Variants in KAT6B observed in about 807,000 individuals in gnomAD.
KAT6B encodes histone acetyltransferase KAT6B.
KAT6B carries 10 observed loss-of-function variants against 187.5 expected under a neutral mutation model. That is an observed-to-expected ratio of 0.05 (90% CI 0.03 to 0.09). The LOEUF (loss-of-function observed/expected upper bound fraction) is 0.09. KAT6B is among the 10% of genes least tolerant of loss of function. The pLI is 1.00. For synonymous variants in KAT6B, 861 were observed against 926.8 expected, an observed-to-expected ratio of 0.93 and a Z score of 1.29; for missense variants, 1,952 against 2,558.9, an observed-to-expected ratio of 0.76 and a Z score of 5.12.
chr10:74,903,833 T>C (rs1183030833), intron 3 of KAT6B, among the ~76,000 whole-genome samples: 1 of 152,202 alleles, frequency 6.6e-6, no homozygotes, highest in African/African-American at 2.4e-5. Context: ...TTTCTGTGGA[T>C]ATCAAGGGTG....
At chr10:74,833,184 A>G (rs1369660632) in intron 1 of KAT6B, among the ~76,000 whole-genome samples, 2 of 151,148 alleles carry the variant, frequency 1.3e-5, no homozygotes, top group Non-Finnish European at 2.9e-5. Flanking sequence ...TTAATACATT[A>G]TTCTCGGTCT....
intron 3 of KAT6B, among the ~76,000 whole-genome samples, chr10:74,937,471 T>C (rs2133243302): frequency 6.6e-6 from 1 of 152,326 alleles, no homozygotes; most frequent in African/African-American, 2.4e-5. Flanking sequence ...AACTGATAAG[T>C]TATAATGATC....
At chr10:74,920,928 A>G (rs1402712721) in intron 3 of KAT6B, among the ~76,000 whole-genome samples, 1 of 152,076 alleles carries the variant, frequency 6.6e-6, no homozygotes, top group Non-Finnish European at 1.5e-5. Context: ...GCTTTTCTTC[A>G]TATTAATTTG....
At chr10:74,920,708 C>T (rs1848044981) in intron 3 of KAT6B, among the ~76,000 whole-genome samples, 5 of 152,104 alleles carry the variant, frequency 3.3e-5, no homozygotes, top group Admixed American at 3.3e-4. Context: ...TTCTCTTGGC[C>T]AGTTGACTGA....
At chr10:74,938,847 G>A (rs138398031) in intron 3 of KAT6B, among the ~76,000 whole-genome samples, 1,619 of 151,752 alleles carry the variant, frequency 0.011, 17 homozygotes, top group African/African-American at 0.019. Flanking sequence ...AGCAATTCTC[G>A]TGCCTCAGCC....
At chr10:74,913,828 G>A (rs1363661986) in intron 3 of KAT6B, among the ~76,000 whole-genome samples, 1 of 152,196 alleles carries the variant, frequency 6.6e-6, no homozygotes, top group Non-Finnish European at 1.5e-5. Context: ...CAGTGCCGGG[G>A]TCTCATGCTT....
At chr10:74,912,374 T>TA (rs56029061) in intron 3 of KAT6B, among the ~76,000 whole-genome samples, 7,909 of 137,088 alleles carry the variant, frequency 0.058, 268 homozygotes, top group South Asian at 0.16. Flanking sequence ...AATGGATGGA[T>TA]GGATAGATAG....
intron 3 of KAT6B, among the ~76,000 whole-genome samples, chr10:74,885,374 C>A (rs571228154): frequency 6.6e-6 from 1 of 152,146 alleles, no homozygotes; most frequent in South Asian, 2.1e-4. Context: ...TTGGACAGCA[C>A]AGATTTAGAA....
Position 75,024,938 on chromosome 10 carries a change from A to G in KAT6B, c.3373-20A>G, listed in dbSNP as rs1589831231. ...AATTTCTCATGAGCTCTTATGTGTTATGTTTGGAATTAATTTCAGAGGCCT... is the reference window on the plus strand; with the variant it reads ...AATTTCTCATGAGCTCTTATGTGTTGTGTTTGGAATTAATTTCAGAGGCCT... On this transcript the variant is annotated intron_variant, in intron 16 of 17. Coordinates refer to ENST00000287239, the MANE Select transcript of KAT6B (RefSeq NM_012330.4). 6.2e-7 allele frequency: 1 copy of G among 1,611,880 alleles called. No individual in the cohort carries two copies. Among genetic ancestry groups the G allele is most frequent in the Non-Finnish European group, 8.5e-7 (1 of 1,178,106 alleles).
intron 13 of KAT6B, among the ~76,000 whole-genome samples, chr10:75,000,468 C>T (rs1843748619): frequency 6.6e-6 from 1 of 152,114 alleles, no homozygotes; most frequent in Non-Finnish European, 1.5e-5. Flanking sequence ...TATAAGGGTT[C>T]TAAATCTCAG....
At chr10:74,828,788 C>G (rs890633159) in intron 1 of KAT6B, among the ~76,000 whole-genome samples, 4 of 151,674 alleles carry the variant, frequency 2.6e-5, no homozygotes, top group Admixed American at 1.3e-4. Flanking sequence ...AGGATGGTCT[C>G]GAACTCTTGA....
At chr10:74,914,384 C>A (rs772444271) in intron 3 of KAT6B, among the ~76,000 whole-genome samples, 2 of 151,958 alleles carry the variant, frequency 1.3e-5, no homozygotes, top group Non-Finnish European at 2.9e-5. Flanking sequence ...TAAATTAATT[C>A]TTTTTTAACT....
At chr10:74,903,645 C>T (rs144306842) in intron 3 of KAT6B, among the ~76,000 whole-genome samples, 5 of 152,252 alleles carry the variant, frequency 3.3e-5, no homozygotes, top group East Asian at 3.9e-4. Context: ...CTGGCTGACA[C>T]CTTGATTTTG....
At chr10:74,995,963 G>A (rs181467454) in intron 13 of KAT6B, among the ~76,000 whole-genome samples, 58 of 152,304 alleles carry the variant, frequency 3.8e-4, no homozygotes, top group Middle Eastern at 3.4e-3. Context: ...TACAAAACCC[G>A]TTCTCCTGGG....
At chr10:74,949,430 A>C (rs1421270223) in intron 3 of KAT6B, among the ~76,000 whole-genome samples, 1 of 152,174 alleles carries the variant, frequency 6.6e-6, no homozygotes, top group Non-Finnish European at 1.5e-5. Context: ...AAAACAAAAC[A>C]AAACAAAACA....
intron 3 of KAT6B, among the ~76,000 whole-genome samples, chr10:74,881,111 T>C (rs1844821278): frequency 6.6e-6 from 1 of 151,854 alleles, no homozygotes; most frequent in Non-Finnish European, 1.5e-5. Context: ...GGTTTCACCA[T>C]ATTGGTCAGG....
At chr10:74,844,392 T>C (rs1460539899) in intron 3 of KAT6B, among the ~76,000 whole-genome samples, 2 of 152,020 alleles carry the variant, frequency 1.3e-5, no homozygotes, top group Non-Finnish European at 2.9e-5. Context: ...AGAGACCAGG[T>C]TTCACCATGT....
intron 13 of KAT6B, among the ~76,000 whole-genome samples, chr10:74,998,799 T>C (rs1254565441): frequency 6.6e-6 from 1 of 152,174 alleles, no homozygotes; most frequent in African/African-American, 2.4e-5. Flanking sequence ...AGCTTGTGAC[T>C]GTAATTCCAG....
At chr10:74,882,216 T>A (rs752490885) in intron 3 of KAT6B, among the ~76,000 whole-genome samples, 1 of 152,238 alleles carries the variant, frequency 6.6e-6, no homozygotes, top group Non-Finnish European at 1.5e-5. Flanking sequence ...AGATTCCTCT[T>A]ATTCTTCCTC....
Sources: allele counts gnomAD v4.1 joint callset (sites outside exome capture counted in the v4.1 genomes callset), GRCh38; gene constraint gnomAD v4.1.1; transcripts MANE v1.5; gene names NCBI Gene and HGNC (gene_info 2026-07-23, HGNC 2026-07-21).